The following HIPK1 variants were observed in gnomAD, a reference collection of about 807,000 sequenced individuals.
HIPK1 encodes the protein homeodomain-interacting protein kinase 1.
HIPK1 carries 28 observed loss-of-function variants against 117.1 expected under a neutral mutation model. That is an observed-to-expected ratio of 0.24 (90% CI 0.18 to 0.33). HIPK1 has a LOEUF of 0.33. HIPK1 is among the 10% of genes least tolerant of loss of function. The probability of loss-of-function intolerance (pLI) is 1.00; values close to 1 mark genes in which losing one functional copy is unlikely to be tolerated. For synonymous variants in HIPK1, 605 were observed against 562.5 expected (o/e 1.08, Z -1.07); for missense variants, 1,122 against 1,475.1 (o/e 0.76, Z 3.92).
At position 113,963,399 on chromosome 1, in the gene HIPK1, C is replaced by T. The variant is rs1407057011; in HGVS notation, c.2116C>T (p.Pro706Ser). 2 of 1,614,216 alleles carry T rather than the reference C, an allele frequency of 1.2e-6. No homozygotes were observed. Among genetic ancestry groups the T allele is most frequent in the Non-Finnish European group, 1.7e-6 (2 of 1,180,032 alleles). ...SGVLTQGSCT[P>S]LMVATLHPQV... The stretch of plus-strand genomic sequence containing the variant: ...ATCTACGTTTCAGGGAAGCTGTACA[C>T]CACTAATGGTAGCAACTCTCCACCC... The change falls in exon 10 of 16, where the codon CCA becomes TCA. Residue 706 changes from proline to serine, a missense_variant. Physicochemically the swap from Pro to Ser is moderately conservative, Grantham distance 74. This residue lies in a region of HIPK1 where 731 missense variants were observed against 860.4 expected (regional missense o/e 0.85). Coordinates refer to ENST00000426820, the MANE Select transcript of HIPK1 (RefSeq NM_198268.3).
intron 2 of HIPK1, among the ~76,000 whole-genome samples, chr1:113,949,582 G>T (rs1410806759): frequency 1.3e-5 from 2 of 148,632 alleles, no homozygotes. Context: ...CACTTTTGAG[G>T]GTTACTTCTT....
At chr1:113,969,851 G>T in intron 13 of HIPK1, 105 bp from the exon 14 acceptor site, 1 of 1,281,374 alleles carries the variant, frequency 7.8e-7, no homozygotes, top group Non-Finnish European at 1.1e-6. Context: ...AGGTCGCAGC[G>T]AGCTGTGATC....
rs1054134026 is a variant in HIPK1, at chr1:113,975,227, C to T, written c.*1715C>T. The stretch of plus-strand genomic sequence containing the variant: ...AAGCCCCCGTGGACCCTAAGTTGTT[C>T]ACCGGGATTTATCAGAACAGGATTA... On this transcript the variant is annotated 3_prime_UTR_variant, in exon 16 of 16. Transcript: ENST00000426820. 3.3e-5 allele frequency: 5 copies of T among 152,884 alleles called. No individual in the cohort carries two copies. Among genetic ancestry groups the T allele is most frequent in the African/African-American group, 1.2e-4 (5 of 41,556 alleles). The allele number at this position is 152,884 out of a possible 1,614,324, so 9.5% of individuals were successfully genotyped here.
chr1:113,959,404 T>A lies in HIPK1; in HGVS notation c.1981+1113T>A, dbSNP rs544085029. ...AGATTCAAAATCCGTAAATGCACGTTTAGCCTAACTTACCAAATTATTTTC... is the reference window on the plus strand; with the variant it reads ...AGATTCAAAATCCGTAAATGCACGTATAGCCTAACTTACCAAATTATTTTC... On this transcript the variant is annotated intron_variant, in intron 8 of 15. Coordinates refer to ENST00000426820, the MANE Select transcript of HIPK1 (RefSeq NM_198268.3). Among the ~76,000 whole-genome samples the A allele has an allele frequency of 3.3e-5, 5 of 152,282 alleles. No homozygotes were observed. The South Asian group carries it at 1.0e-3, about 32-fold the overall frequency.
At chr1:113,953,777 C>G (rs1428149840) in intron 3 of HIPK1, 2 of 152,228 alleles carry the variant, frequency 1.3e-5, no homozygotes, top group African/African-American at 4.8e-5. Flanking sequence ...CCTCAGCCTC[C>G]CAAAGTGTTG....
Position 113,971,806 on chromosome 1 carries a change from A to C in HIPK1, c.3014-18A>C. 3 of 1,589,502 alleles carry C rather than the reference A, an allele frequency of 1.9e-6. No homozygotes were observed. Among genetic ancestry groups the C allele is most frequent in the Non-Finnish European group, 2.6e-6 (3 of 1,172,580 alleles). ...CAGTGATGTCTACTCATAACTATTA[A>C]GCCTGGTGCTTTTTTAGGTCTCCTG... On this transcript the variant is annotated intron_variant, in intron 14 of 15. Transcript: ENST00000426820.
At chr1:113,968,380 A>G in intron 12 of HIPK1, 62 bp from the exon 13 acceptor site, 1 of 1,192,644 alleles carries the variant, frequency 8.4e-7, no homozygotes, top group Admixed American at 1.7e-5. Flanking sequence ...AGTCTGGGGA[A>G]AAGATACACA....
At chr1:113,951,145 A>G (rs993795317) in intron 2 of HIPK1, 5 of 794,820 alleles carry the variant, frequency 6.3e-6, no homozygotes, top group Non-Finnish European at 7.6e-6. Context: ...TGCATGGCAC[A>G]TAGTAGGCAA....
At chr1:113,946,931 A>C (rs564408287) in intron 2 of HIPK1, among the ~76,000 whole-genome samples, 4 of 152,300 alleles carry the variant, frequency 2.6e-5, no homozygotes, top group Non-Finnish European at 5.9e-5. Flanking sequence ...TTTTACCCGC[A>C]GTGGTCCTCT....
At position 113,968,603 on chromosome 1, in the gene HIPK1, G is replaced by A. The variant is rs370415621; in HGVS notation, c.2726G>A (p.Arg909Gln). The change falls in exon 13 of 16, where the codon CGA (arginine) becomes CAA (glutamine). Residue 909 changes from arginine to glutamine, a missense_variant. Physicochemically the swap from Arg to Gln is conservative, Grantham distance 43 (BLOSUM62 1). Transcript: ENST00000426820. The part of the protein sequence containing the change: ...PSPPVSVITI[R>Q]SDTDEEEDNK... ...CCTCCTGTGAGTGTCATCACTATCCGAAGTGACACTGATGAGGAAGAGGAC... is the reference window on the plus strand; with the variant it reads ...CCTCCTGTGAGTGTCATCACTATCCAAAGTGACACTGATGAGGAAGAGGAC... 32 of 1,613,948 alleles carry A rather than the reference G, an allele frequency of 2.0e-5. No individual in the cohort carries two copies. The Middle Eastern group carries it at 4.9e-4, about 25-fold the overall frequency.
chr1:113,970,071 G>A lies in HIPK1; in HGVS notation c.2887G>A (p.Gly963Ser), dbSNP rs780645724. 3.1e-6 allele frequency: 5 copies of A among 1,614,188 alleles called. No individual in the cohort carries two copies. Among genetic ancestry groups the A allele is most frequent in the Non-Finnish European group, 4.2e-6 (5 of 1,180,040 alleles). Reference protein sequence around the residue: ...YSTDTLSALRGNSGSVLEGPG... With the variant: ...YSTDTLSALRSNSGSVLEGPG... ...CACTGATACCCTGAGTGCTCTCCGA[G>A]GCAATAGTGGATCCGTTTTGGAGGG... Residue 963 changes from glycine to serine, a missense_variant, in exon 14 of 16, where the codon GGC (glycine) becomes AGC (serine). Coordinates refer to ENST00000426820, the MANE Select transcript of HIPK1 (RefSeq NM_198268.3).
chr1:113,945,992 A>G (rs992115520), intron 2 of HIPK1, among the ~76,000 whole-genome samples: 2 of 152,196 alleles, frequency 1.3e-5, no homozygotes, highest in Admixed American at 1.3e-4. Flanking sequence ...ATCTTTTCAC[A>G]GTTTTATAAA....
intron 1 of HIPK1, among the ~76,000 whole-genome samples, chr1:113,939,739 T>C (rs1378526134): frequency 6.6e-6 from 1 of 152,098 alleles, no homozygotes; most frequent in Non-Finnish European, 1.5e-5. Context: ...ATGGAGAAGA[T>C]AAATATGAAA....
At chr1:113,930,200 C>T (rs1162337691) in intron 1 of HIPK1, among the ~76,000 whole-genome samples, 4 of 152,264 alleles carry the variant, frequency 2.6e-5, no homozygotes, top group African/African-American at 4.8e-5. Context: ...TGCCACTTCT[C>T]GCCTGGGCGT....
In HIPK1 at chr1:113,973,356, T is replaced by C. The variant is rs1672972084; in HGVS notation, c.3477T>C (p.Ser1159=). 1.2e-6 allele frequency: 2 copies of C among 1,614,036 alleles called. No homozygotes were observed. Among genetic ancestry groups the C allele is most frequent in the South Asian group, 1.1e-5 (1 of 91,080 alleles). Residue 1159 remains serine, a synonymous_variant, in exon 16 of 16, where the codon AGT becomes AGC. Transcript: ENST00000426820. ...CTTTGGTGCACCAGGTCCCTGTCAG[T>C]GTTGGGCCCAGCCTCCTCACTTCTG... is the stretch of plus-strand genomic sequence containing the variant. ...PSTLVHQVPV[S]VGPSLLTSAS... is the part of the protein sequence containing the mutation.
rs1329214454 is a variant in HIPK1 at position 113,957,260 on chromosome 1, A to G, written c.1729A>G (p.Asn577Asp). 1.2e-6 allele frequency: 2 copies of G among 1,613,896 alleles called. No homozygotes were observed. The highest frequency in any genetic ancestry group is 4.5e-5 in the East Asian group (2 of 44,874). The change falls in exon 7 of 16, where the codon AAT becomes GAT. Residue 577 changes from asparagine (N) to aspartate (D), a missense_variant. Coordinates refer to ENST00000426820, the MANE Select transcript of HIPK1 (RefSeq NM_198268.3). ...CACAAATCTAACCATGAGCTTCAGC[A>G]ATCAGCTCAATACAGTGCACAATCA... ...TSTNLTMSFS[N>D]QLNTVHNQAS... is the part of the protein sequence containing the mutation.
Position 113,958,893 on chromosome 1 carries a change from A to T in HIPK1, c.1981+602A>T, listed in dbSNP as rs549417595. ...CATATAGTTCCTGCAAACTCCTGTC[A>T]ACAGAGGAACAGAATAGCTGAAGGA... On this transcript the variant is annotated intron_variant, in intron 8 of 15. Transcript: ENST00000426820. Among the ~76,000 whole-genome samples the T allele has an allele frequency of 2.6e-5, 4 of 152,294 alleles. No homozygotes were observed. The South Asian group carries it at 8.3e-4, about 32-fold the overall frequency.
chr1:113,933,106 A>G lies in HIPK1; in HGVS notation c.-3+3574A>G, dbSNP rs188514076. 23 of 840,184 alleles carry G rather than the reference A, an allele frequency of 2.7e-5. No homozygotes were observed. In the Admixed American group the frequency reaches 1.3e-3, roughly 48 times the overall value. 52.0% of individuals were successfully genotyped at this position (840,184 alleles called of 1,614,324 possible). A position where few individuals can be genotyped will look rare whatever the true frequency, so the allele number is the denominator to read the frequency against. The stretch of plus-strand genomic sequence containing the variant: ...ATGTAGTACCTTTTTACTAAACACA[A>G]AGCACTTACTTTTCTTTTGTTCTGT... On this transcript the variant is annotated intron_variant, in intron 1 of 15. Coordinates refer to ENST00000426820, the MANE Select transcript of HIPK1 (RefSeq NM_198268.3).
chr1:113,937,599 A>G (rs1670338308), intron 1 of HIPK1, among the ~76,000 whole-genome samples: 1 of 152,166 alleles, frequency 6.6e-6, no homozygotes, highest in Non-Finnish European at 1.5e-5. Context: ...GAGTATGTAT[A>G]TATTGTCAGT....
Sources: gnomAD v4.1 joint callset for allele counts (sites outside exome capture counted in the v4.1 genomes callset) on GRCh38, gnomAD v4.1.1 for gene constraint, gnomAD v4.1.1 regional missense constraint, MANE v1.5 for transcripts, NCBI Gene and HGNC (gene_info 2026-07-23, HGNC 2026-07-21) for gene names.